The following PDE7B variants were observed in gnomAD, a reference collection of about 807,000 sequenced individuals.
PDE7B encodes phosphodiesterase 7B.
Under a neutral mutation model 56.2 loss-of-function variants are expected in PDE7B, and 29 were observed. The ratio of observed to expected loss-of-function variants is 0.52; its 90% CI spans 0.38 to 0.70. The LOEUF is 0.70. PDE7B is among the 30% of genes least tolerant of loss of function. The pLI is 0.00. For synonymous variants in PDE7B, 197 were observed against 196.9 expected, an observed-to-expected ratio of 1.00 and a Z score of 0.00; for missense variants, 490 against 565.0, an observed-to-expected ratio of 0.87 and a Z score of 1.35.
chr6:136,102,464 A>G (rs1777578748), intron 2 of PDE7B, among the ~76,000 whole-genome samples: 1 of 152,220 alleles, frequency 6.6e-6, no homozygotes, highest in African/African-American at 2.4e-5. Flanking sequence ...ATTATCCCAG[A>G]AATACGTGAA....
At chr6:135,998,620 G>A (rs1775609114) in intron 2 of PDE7B, among the ~76,000 whole-genome samples, 3 of 152,116 alleles carry the variant, frequency 2.0e-5, no homozygotes, top group Admixed American at 2.0e-4. Flanking sequence ...GCCAGGCGTG[G>A]TGGTGGGTGC....
intron 1 of PDE7B, among the ~76,000 whole-genome samples, chr6:135,874,446 CT>C (rs1775452475): frequency 1.3e-5 from 2 of 152,142 alleles, no homozygotes; most frequent in African/African-American, 4.8e-5. Flanking sequence ...TGGTCCATTT[CT>C]AAATATTTTA....
chr6:136,139,870 GCCC>G (rs1778288110), intron 3 of PDE7B, among the ~76,000 whole-genome samples: 2 of 151,946 alleles, frequency 1.3e-5, no homozygotes, highest in Admixed American at 6.6e-5. Context: ...CTGGATATTA[GCCC>G]TTTGTCAGAT....
chr6:135,894,728 A>G (rs1476562155), intron 1 of PDE7B, among the ~76,000 whole-genome samples: 1 of 152,164 alleles, frequency 6.6e-6, no homozygotes, highest in Non-Finnish European at 1.5e-5. Flanking sequence ...GTTGAAATGT[A>G]CAGTACATCT....
intron 1 of PDE7B, among the ~76,000 whole-genome samples, chr6:135,919,569 T>C (rs1774026594): frequency 6.6e-6 from 1 of 152,220 alleles, no homozygotes; most frequent in African/African-American, 2.4e-5. Flanking sequence ...ATTAGATTAC[T>C]TGTGTCATAT....
intron 1 of PDE7B, among the ~76,000 whole-genome samples, chr6:135,898,723 C>G (rs910090648): frequency 1.3e-5 from 2 of 152,076 alleles, no homozygotes; most frequent in Non-Finnish European, 2.9e-5. Flanking sequence ...AATCTGTCTC[C>G]TATCATTGGA....
intron 2 of PDE7B, among the ~76,000 whole-genome samples, chr6:135,990,256 C>T (rs952845330): frequency 6.6e-6 from 1 of 152,168 alleles, no homozygotes; most frequent in Non-Finnish European, 1.5e-5. Context: ...CCACCACACC[C>T]AGCTAATTTT....
intron 1 of PDE7B, among the ~76,000 whole-genome samples, chr6:135,923,773 A>C (rs752547069): frequency 2.5e-4 from 38 of 152,200 alleles, no homozygotes; most frequent in Non-Finnish European, 5.0e-4. Context: ...TTAAAACACA[A>C]GTGACAAACT....
chr6:136,134,105 G>A (rs1468680265), intron 3 of PDE7B, among the ~76,000 whole-genome samples: 1 of 152,232 alleles, frequency 6.6e-6, no homozygotes, highest in South Asian at 2.1e-4. Context: ...TGTGCCTGAG[G>A]AACGAATCCG....
intron 2 of PDE7B, among the ~76,000 whole-genome samples, chr6:136,093,530 A>G (rs751141331): frequency 6.6e-6 from 1 of 152,224 alleles, no homozygotes; most frequent in Non-Finnish European, 1.5e-5. Flanking sequence ...GTGTGAATGA[A>G]CAGACCCATG....
rs1342207164 is a variant in PDE7B, at chr6:135,928,445, A to ATT, written c.22-19018_22-19017insTT. 4.4e-3 allele frequency among the ~76,000 whole-genome samples: 500 copies of ATT among 114,434 alleles called. 5 individuals are homozygous for ATT. Among genetic ancestry groups the ATT allele is most frequent in the African/African-American group, 0.015 (455 of 29,670 alleles). The allele number at this position is 114,434 out of a possible 152,430, so 75.1% of individuals were successfully genotyped here. ...AAAATGTGATTATATATATATATAT[A>ATT]TATTTATTTATATATATATTTATTT... On this transcript the variant is annotated intron_variant, in intron 1 of 12. Transcript: ENST00000308191.
chr6:136,167,145 A>G (rs1051891525), intron 8 of PDE7B, among the ~76,000 whole-genome samples: 1 of 152,066 alleles, frequency 6.6e-6, no homozygotes, highest in Non-Finnish European at 1.5e-5. Flanking sequence ...TGACTACCTT[A>G]CCAGCCCTGA....
intron 2 of PDE7B, among the ~76,000 whole-genome samples, chr6:136,041,340 AT>A (rs147586011): frequency 0.019 from 2,837 of 152,356 alleles, 99 homozygotes; most frequent in East Asian, 0.094. Context: ...AATAAAAAAA[AT>A]ATGGGAACAT....
At chr6:136,183,962 C>T (rs1182224832) in intron 11 of PDE7B, among the ~76,000 whole-genome samples, 1 of 152,164 alleles carries the variant, frequency 6.6e-6, no homozygotes, top group Admixed American at 6.5e-5. Context: ...TACCATATAT[C>T]TCCCTCCTCT....
chr6:136,016,869 A>G (rs1450456510), intron 2 of PDE7B, among the ~76,000 whole-genome samples: 1 of 152,248 alleles, frequency 6.6e-6, no homozygotes, highest in Non-Finnish European at 1.5e-5. Flanking sequence ...CTCTAAGCCT[A>G]TTTATTTACA....
Position 135,926,085 on chromosome 6 carries a change from T to TTGGG in PDE7B, c.22-21379_22-21378insTGGG, listed in dbSNP as rs1774178124. Among the ~76,000 whole-genome samples the TTGGG allele has an allele frequency of 1.9e-4, 3 of 16,164 alleles. 1 individual carries two copies. The highest frequency in any genetic ancestry group is 6.1e-4 in the Non-Finnish European group (3 of 4,902). 10.6% of individuals were successfully genotyped at this position (16,164 alleles called of 152,430 possible). On this transcript the variant is annotated intron_variant, in intron 1 of 12. Transcript: ENST00000308191. ...GCATGCTTCTGTTTTTTCTTTTTTTTGGGGGGGGGGGGGGGAGGGGGGATG... is the reference window on the plus strand; with the variant it reads ...GCATGCTTCTGTTTTTTCTTTTTTTTTGGGGGGGGGGGGGGGGGGAGGGGGGATG...
intron 7 of PDE7B, among the ~76,000 whole-genome samples, chr6:136,155,094 C>G (rs372299317): frequency 2.0e-5 from 3 of 152,134 alleles, no homozygotes; most frequent in African/African-American, 4.8e-5. Flanking sequence ...TCCTAGCTAA[C>G]CAGAAAATCA....
intron 1 of PDE7B, among the ~76,000 whole-genome samples, chr6:135,917,297 AT>A (rs1773971897): frequency 6.6e-6 from 1 of 151,792 alleles, no homozygotes; most frequent in Non-Finnish European, 1.5e-5. Flanking sequence ...ACCTTTTCTT[AT>A]TCTTTGTTTG....
At chr6:136,148,535 A>AT (rs926049605) in intron 4 of PDE7B, among the ~76,000 whole-genome samples, 8 of 145,404 alleles carry the variant, frequency 5.5e-5, no homozygotes, top group African/African-American at 2.0e-4. Context: ...ACAGCAAGTA[A>AT]TGTCAAAAGA....
Sources: gnomAD v4.1 joint callset for allele counts (sites outside exome capture counted in the v4.1 genomes callset) on GRCh38, gnomAD v4.1.1 for gene constraint, MANE v1.5 for transcripts, NCBI Gene and HGNC (gene_info 2026-07-23, HGNC 2026-07-21) for gene names.